GALNT13: variants seen among roughly 807,000 people sequenced by gnomAD.
GALNT13 encodes the protein polypeptide N-acetylgalactosaminyltransferase 13, also known as UDP-GalNAc:polypeptide N-acetylgalactosaminyltransferase 13.
A neutral mutation model predicts 64.2 loss-of-function variants in GALNT13; 28 were observed. That is an observed-to-expected ratio of 0.44 (90% CI 0.32 to 0.60). The LOEUF is 0.60. Ranked by LOEUF, GALNT13 falls within the 20% of genes least tolerant of loss-of-function variation. The pLI is 0.05. For missense variants in GALNT13, 577 were observed against 669.8 expected (o/e 0.86, Z 1.53); for synonymous variants, 214 against 224.6 (o/e 0.95, Z 0.42).
chr2:154,111,129 G>A (rs10221673), intron 3 of GALNT13, among the ~76,000 whole-genome samples: 7,630 of 152,214 alleles, frequency 0.05, 374 homozygotes, highest in African/African-American at 0.13. Context: ...TCATGTGTTC[G>A]TAGGTGGTAT....
chr2:153,266,200 T>G, the GALNT13 span, among the ~76,000 whole-genome samples: 7 of 152,208 alleles, frequency 4.6e-5, no homozygotes, highest in Non-Finnish European at 1.0e-4. Flanking sequence ...AATACATGGC[T>G]TTGACATGAT....
At chr2:154,151,860 C>G (rs1466735241) in intron 4 of GALNT13, among the ~76,000 whole-genome samples, 1 of 152,144 alleles carries the variant, frequency 6.6e-6, no homozygotes, top group African/African-American at 2.4e-5. Flanking sequence ...ATACAGCACA[C>G]TGATGGGTCT....
intron 4 of GALNT13, among the ~76,000 whole-genome samples, chr2:154,241,262 CT>C (rs1340172328): frequency 2.6e-5 from 4 of 152,162 alleles, no homozygotes; most frequent in Admixed American, 1.3e-4. Context: ...CAGGAAATGC[CT>C]GTCCTCACCC....
chr2:153,241,658 T>A, the GALNT13 span, among the ~76,000 whole-genome samples: 1 of 53,366 alleles, frequency 1.9e-5, no homozygotes, highest in South Asian at 4.7e-4. Context: ...TGTGTGTGTA[T>A]GTGTATGTGT....
the GALNT13 span, among the ~76,000 whole-genome samples, chr2:153,238,786 G>A: frequency 6.6e-6 from 1 of 151,992 alleles, no homozygotes; most frequent in African/African-American, 2.4e-5. Context: ...GATTCCTCCA[G>A]TTTTGCTCAT....
At chr2:154,033,296 A>G (rs7608978) in intron 3 of GALNT13, among the ~76,000 whole-genome samples, 59,262 of 151,852 alleles carry the variant, frequency 0.39, 14,614 homozygotes, top group Non-Finnish European at 0.55. Context: ...GTCATCATCC[A>G]TAAAAGAAAA....
At chr2:154,004,360 C>T (rs1405176796) in intron 3 of GALNT13, among the ~76,000 whole-genome samples, 2 of 152,050 alleles carry the variant, frequency 1.3e-5, no homozygotes, top group Non-Finnish European at 2.9e-5. Context: ...CATGCATCGC[C>T]ACGCCCAGCT....
At chr2:153,600,615 A>G in the GALNT13 span, among the ~76,000 whole-genome samples, 1 of 151,968 alleles carries the variant, frequency 6.6e-6, no homozygotes, top group African/African-American at 2.4e-5. Flanking sequence ...ATCAAGCTTT[A>G]CATCCTCCCA....
intron 9 of GALNT13, among the ~76,000 whole-genome samples, chr2:154,377,531 C>T (rs1698058571): frequency 6.6e-6 from 1 of 152,136 alleles, no homozygotes; most frequent in South Asian, 2.1e-4. Context: ...AAGAACCGCT[C>T]ATAGGCTTTA....
At chr2:153,579,282 T>A in the GALNT13 span, among the ~76,000 whole-genome samples, 12 of 152,094 alleles carry the variant, frequency 7.9e-5, no homozygotes, top group Admixed American at 7.9e-4. Context: ...ATGGCAGATT[T>A]TTTTTTTCTA....
chr2:153,707,150 C>A, the GALNT13 span, among the ~76,000 whole-genome samples: 2 of 152,176 alleles, frequency 1.3e-5, no homozygotes, highest in Non-Finnish European at 2.9e-5. Context: ...CCACGTGGAA[C>A]TGTAAGTCCA....
chr2:153,934,289 C>T (rs944055053), intron 2 of GALNT13, among the ~76,000 whole-genome samples: 1 of 152,016 alleles, frequency 6.6e-6, no homozygotes, highest in Non-Finnish European at 1.5e-5. Context: ...TTCTGTTGTT[C>T]GGAGATTACC....
the GALNT13 span, among the ~76,000 whole-genome samples, chr2:153,285,115 G>C: frequency 2.0e-5 from 3 of 151,848 alleles, no homozygotes; most frequent in African/African-American, 7.3e-5. Context: ...AATTACGGCA[G>C]AGGCATCTCT....
At chr2:154,405,340 T>C (rs1574246488) in intron 10 of GALNT13, among the ~76,000 whole-genome samples, 1 of 151,666 alleles carries the variant, frequency 6.6e-6, no homozygotes, top group East Asian at 1.9e-4. Context: ...ACTAAAAATA[T>C]AAAAATTGGA....
the GALNT13 span, among the ~76,000 whole-genome samples, chr2:153,492,135 A>T: frequency 6.6e-6 from 1 of 152,232 alleles, no homozygotes; most frequent in Non-Finnish European, 1.5e-5. Flanking sequence ...AGTGGGTGGT[A>T]GAATAGTTTA....
chr2:153,775,776 C>G, the GALNT13 span, among the ~76,000 whole-genome samples: 1 of 152,044 alleles, frequency 6.6e-6, no homozygotes, highest in East Asian at 1.9e-4. Context: ...CTTTCTAGAG[C>G]CTTCTTTGGA....
At chr2:153,840,958 G>A in the GALNT13 span, among the ~76,000 whole-genome samples, 3 of 149,898 alleles carry the variant, frequency 2.0e-5, no homozygotes, top group East Asian at 1.9e-4. Context: ...TGTAACCTTC[G>A]AATATTACTT....
At chr2:153,621,074 A>T in the GALNT13 span, among the ~76,000 whole-genome samples, 71 of 151,524 alleles carry the variant, frequency 4.7e-4, no homozygotes, top group African/African-American at 1.7e-3. Context: ...CCAGACAGAG[A>T]CTCTTGTACT....
chr2:153,079,497 T>C, the GALNT13 span, among the ~76,000 whole-genome samples: 5 of 152,226 alleles, frequency 3.3e-5, no homozygotes, highest in African/African-American at 1.2e-4. Context: ...ATGACTTATC[T>C]GTATCTGATT....
Sources: allele counts gnomAD v4.1 joint callset (sites outside exome capture counted in the v4.1 genomes callset), GRCh38; gene constraint gnomAD v4.1.1; transcripts MANE v1.5; gene names NCBI Gene and HGNC (gene_info 2026-07-23, HGNC 2026-07-21).